The following NEGR1 variants were observed in gnomAD, a reference collection of about 807,000 sequenced individuals.
The protein encoded by NEGR1 is IgLON family member 4.
NEGR1 carries 10 observed loss-of-function variants against 40.9 expected under a neutral mutation model. The observed-to-expected ratio is 0.24, with a 90% CI of 0.15 to 0.42. The LOEUF (loss-of-function observed/expected upper bound fraction) is 0.42, where lower values mean the gene tolerates loss of function less well. NEGR1 is among the 10% of genes least tolerant of loss of function. NEGR1 has a pLI of 1.00. For synonymous variants in NEGR1, 185 were observed against 166.8 expected, an observed-to-expected ratio of 1.11 and a Z score of -0.84; for missense variants, 352 against 438.9, an observed-to-expected ratio of 0.80 and a Z score of 1.77.
intron 6 of NEGR1, among the ~76,000 whole-genome samples, chr1:71,511,572 C>T (rs1647073283): frequency 6.6e-6 from 1 of 152,146 alleles, no homozygotes. Flanking sequence ...AGAGACTTCC[C>T]TAGAAGTTCC....
chr1:71,760,227 C>T (rs1307990041), intron 3 of NEGR1, among the ~76,000 whole-genome samples: 2 of 151,962 alleles, frequency 1.3e-5, no homozygotes, highest in Admixed American at 6.6e-5. Flanking sequence ...GCACCTTCCT[C>T]GAAGTATTGT....
chr1:71,430,100 C>T (rs2101292326), intron 6 of NEGR1, among the ~76,000 whole-genome samples: 1 of 152,282 alleles, frequency 6.6e-6, no homozygotes, highest in South Asian at 2.1e-4. Context: ...CTGCTCATGG[C>T]CTGGTACTGC....
intron 1 of NEGR1, among the ~76,000 whole-genome samples, chr1:72,074,509 T>G (rs983989402): frequency 1.3e-5 from 2 of 152,072 alleles, no homozygotes; most frequent in Non-Finnish European, 2.9e-5. Flanking sequence ...CATTTTTCCC[T>G]CTCGGTCATG....
intron 1 of NEGR1, among the ~76,000 whole-genome samples, chr1:72,205,960 T>C (rs1238173455): frequency 6.8e-6 from 1 of 146,356 alleles, no homozygotes; most frequent in Non-Finnish European, 1.5e-5. Context: ...AAAAAGAAAA[T>C]ACAGATAATT....
At chr1:72,164,040 A>G (rs551597734) in intron 1 of NEGR1, among the ~76,000 whole-genome samples, 4 of 152,060 alleles carry the variant, frequency 2.6e-5, no homozygotes, top group Admixed American at 2.6e-4. Flanking sequence ...AAGTAAAGTA[A>G]AAGCAGAAAC....
At chr1:72,203,596 T>C (rs1158918301) in intron 1 of NEGR1, among the ~76,000 whole-genome samples, 1 of 152,136 alleles carries the variant, frequency 6.6e-6, no homozygotes, top group African/African-American at 2.4e-5. Context: ...TAAAACTTAG[T>C]TGATACAACA....
intron 1 of NEGR1, among the ~76,000 whole-genome samples, chr1:72,126,708 G>T (rs1456395780): frequency 6.6e-6 from 1 of 152,084 alleles, no homozygotes; most frequent in African/African-American, 2.4e-5. Context: ...CATAAAGACT[G>T]ACAGTAGACA....
At chr1:71,815,652 A>G (rs1375752935) in intron 2 of NEGR1, among the ~76,000 whole-genome samples, 1 of 151,976 alleles carries the variant, frequency 6.6e-6, no homozygotes, top group African/African-American at 2.4e-5. Context: ...TCTCTTTACC[A>G]TTATGTATTA....
intron 1 of NEGR1, among the ~76,000 whole-genome samples, chr1:72,225,519 A>C (rs1209899297): frequency 6.6e-6 from 1 of 151,620 alleles, no homozygotes; most frequent in Non-Finnish European, 1.5e-5. Context: ...CTTTATAAAT[A>C]CTTACCAAAA....
intron 1 of NEGR1, among the ~76,000 whole-genome samples, chr1:72,065,266 T>C (rs902485983): frequency 1.3e-5 from 2 of 152,106 alleles, no homozygotes; most frequent in African/African-American, 2.4e-5. Context: ...CAAGTCTATC[T>C]ACCTGCTTTT....
intron 3 of NEGR1, among the ~76,000 whole-genome samples, chr1:71,752,657 T>G (rs1655608505): frequency 6.6e-6 from 1 of 151,198 alleles, no homozygotes; most frequent in African/African-American, 2.5e-5. Context: ...AAAGACCTTC[T>G]CCACATTAGA....
At chr1:71,459,486 TC>T (rs1646698995) in intron 6 of NEGR1, among the ~76,000 whole-genome samples, 1 of 152,202 alleles carries the variant, frequency 6.6e-6, no homozygotes, top group African/African-American at 2.4e-5. Flanking sequence ...GGCATTTAAA[TC>T]CCCTGATGAT....
chr1:71,723,208 G>A (rs941671369), intron 3 of NEGR1, among the ~76,000 whole-genome samples: 1 of 151,904 alleles, frequency 6.6e-6, no homozygotes, highest in Non-Finnish European at 1.5e-5. Flanking sequence ...GAACATCTTT[G>A]GTCTCTTGGT....
intron 1 of NEGR1, among the ~76,000 whole-genome samples, chr1:72,181,092 C>G (rs1652350143): frequency 6.6e-6 from 1 of 152,074 alleles, no homozygotes; most frequent in African/African-American, 2.4e-5. Flanking sequence ...AAAGAACACA[C>G]TAGAACCATA....
At chr1:71,763,250 T>G (rs1656009655) in intron 3 of NEGR1, among the ~76,000 whole-genome samples, 1 of 151,798 alleles carries the variant, frequency 6.6e-6, no homozygotes, top group Non-Finnish European at 1.5e-5. Flanking sequence ...GGGTGGGGGG[T>G]CCTCCTTCCA....
At chr1:71,864,991 G>C (rs1660070527) in intron 2 of NEGR1, among the ~76,000 whole-genome samples, 2 of 152,142 alleles carry the variant, frequency 1.3e-5, no homozygotes, top group African/African-American at 4.8e-5. Context: ...TACACACTAA[G>C]AACAGTTCAT....
chr1:71,714,734 G>T (rs1654216138), intron 3 of NEGR1, among the ~76,000 whole-genome samples: 2 of 152,244 alleles, frequency 1.3e-5, no homozygotes, highest in Non-Finnish European at 2.9e-5. Flanking sequence ...CAAATGAGAA[G>T]CTCCCATGGC....
chr1:72,067,600 A>G lies in NEGR1; in HGVS notation c.177-132289T>C, dbSNP rs369983825. Among the ~76,000 whole-genome samples the G allele has an allele frequency of 2.8e-4, 42 of 152,210 alleles. 2 individuals carry two copies. In the South Asian group the frequency reaches 7.7e-3, roughly 28 times the overall value. ...TTGAACTGTAGTTTTACACTGAGTA[A>G]CTTTCCTAATCTGTGCTCTAGTTTG... is the stretch of plus-strand genomic sequence containing the variant. On this transcript the variant is annotated intron_variant, in intron 1 of 6. Coordinates refer to ENST00000357731, the MANE Select transcript of NEGR1 (RefSeq NM_173808.3).
In NEGR1 at chr1:71,928,145, C is replaced by T. The variant is rs1175142419; in HGVS notation, c.409+6934G>A. ...ATATATACACACATATGTATATATA[C>T]ACACATATGTATATACGTATATATG... On this transcript the variant is annotated intron_variant, in intron 2 of 6. Coordinates refer to ENST00000357731, the MANE Select transcript of NEGR1 (RefSeq NM_173808.3). 1.1e-4 allele frequency among the ~76,000 whole-genome samples: 7 copies of T among 63,552 alleles called. 1 individual carries two copies. The highest frequency in any genetic ancestry group is 5.0e-4 in the African/African-American group (7 of 14,074). The allele number at this position is 63,552 out of a possible 152,430, so 41.7% of individuals were successfully genotyped here.
Sources: allele counts gnomAD v4.1 joint callset (sites outside exome capture counted in the v4.1 genomes callset), GRCh38; gene constraint gnomAD v4.1.1; transcripts MANE v1.5; gene names NCBI Gene and HGNC (gene_info 2026-07-23, HGNC 2026-07-21).